PPP1R1C: variants seen among roughly 807,000 people sequenced by gnomAD.
The protein encoded by PPP1R1C is protein phosphatase 1 regulatory subunit 1C.
Under a neutral mutation model 17.4 loss-of-function variants are expected in PPP1R1C, and 15 were observed. That is an observed-to-expected ratio of 0.86 (90% CI 0.58 to 1.33). The LOEUF is 1.33. Among genes scored for constraint, PPP1R1C ranks in the 40% most tolerant of loss-of-function variants. The pLI, the probability that PPP1R1C is intolerant of heterozygous loss-of-function variation, is 0.00. For missense variants in PPP1R1C, 143 were observed against 130.0 expected (o/e 1.10, Z -0.48); for synonymous variants, 35 against 43.1 (o/e 0.81, Z 0.73).
In PPP1R1C at chr2:182,008,067, C is replaced by CA. The variant is rs892720882; in HGVS notation, c.142+20176dup. On this transcript the variant is annotated intron_variant, in intron 2 of 4. Transcript: ENST00000682840. ...TGGGCGAAAGAGCGAGACTCCGTCT[C>CA]AAAAAAAACAAACAAATAAATAAAA... 2.2e-4 allele frequency among the ~76,000 whole-genome samples: 23 copies of CA among 106,020 alleles called. 1 individual carries two copies. The Middle Eastern group carries it at 0.014, about 66-fold the overall frequency. 69.6% of individuals were successfully genotyped at this position (106,020 alleles called of 152,430 possible).
At chr2:182,119,292 A>G (rs1689670749), downstream of PPP1R1C, among the ~76,000 whole-genome samples, 1 of 151,724 alleles carries the variant, frequency 6.6e-6, no homozygotes, top group Non-Finnish European at 1.5e-5. Flanking sequence ...CATTTTCTTA[A>G]TCCAGTCTAT....
chr2:181,958,127 C>T (rs545145218), intron 1 of PPP1R1C, among the ~76,000 whole-genome samples: 2 of 152,204 alleles, frequency 1.3e-5, no homozygotes, highest in African/African-American at 2.4e-5. Context: ...GCTAAGGAAG[C>T]GCTCCCAAGA....
chr2:182,038,207 T>C (rs993993638), intron 2 of PPP1R1C, among the ~76,000 whole-genome samples: 1 of 151,858 alleles, frequency 6.6e-6, no homozygotes, highest in Non-Finnish European at 1.5e-5. Flanking sequence ...CCAGCTAATG[T>C]TTTGTGGTTT....
upstream of PPP1R1C, among the ~76,000 whole-genome samples, chr2:181,985,714 C>T (rs1344473777): frequency 6.6e-6 from 1 of 152,084 alleles, no homozygotes; most frequent in Non-Finnish European, 1.5e-5. The surrounding 1 kb of genome is among the most constrained non-coding windows in gnomAD (Gnocchi z 4.1). Flanking sequence ...TTTGAGCAGC[C>T]GGTTAGTAAT....
At chr2:182,128,372 C>A (rs547427589) in intron 5 of PPP1R1C, among the ~76,000 whole-genome samples, 1 of 151,964 alleles carries the variant, frequency 6.6e-6, no homozygotes, top group East Asian at 1.9e-4. Flanking sequence ...GTTTTCTGCT[C>A]GGTAAAACGT....
At chr2:182,123,305 A>G (rs1033210987) in intron 5 of PPP1R1C, among the ~76,000 whole-genome samples, 4 of 152,232 alleles carry the variant, frequency 2.6e-5, no homozygotes, top group African/African-American at 9.6e-5. Context: ...TAGTGCCACA[A>G]TAAACATACG....
At chr2:182,022,755 T>A (rs1446706565) in intron 2 of PPP1R1C, among the ~76,000 whole-genome samples, 1 of 152,166 alleles carries the variant, frequency 6.6e-6, no homozygotes, top group African/African-American at 2.4e-5. Flanking sequence ...TGGCCAGGCT[T>A]CCATAATTAA....
chr2:181,974,866 A>T (rs962704499), intron 1 of PPP1R1C, among the ~76,000 whole-genome samples: 1 of 152,232 alleles, frequency 6.6e-6, no homozygotes. Context: ...AAGGTTATAC[A>T]TATTTTAAAG....
In PPP1R1C at chr2:181,986,170, T is replaced by TGCACCTGAAGCAGCAGAGCAGGTATGTGA; in HGVS notation, c.61_81+8dup. 6.2e-7 allele frequency: 1 copy of TGCACCTGAAGCAGCAGAGCAGGTATGTGA among 1,613,650 alleles called. No individual in the cohort carries two copies. Among genetic ancestry groups the TGCACCTGAAGCAGCAGAGCAGGTATGTGA allele is most frequent in the South Asian group, 1.1e-5 (1 of 91,076 alleles). On this transcript the variant is annotated frameshift_variant, in exon 1 of 5. Transcript: ENST00000682840. LOFTEE classifies it high-confidence loss of function. ...CCGTGCCTGTATTCCAGAGTCAGAT[T>TGCACCTGAAGCAGCAGAGCAGGTATGTGA]GCACCTGAAGCAGCAGAGCAGGTAT... is the stretch of plus-strand genomic sequence containing the variant.
chr2:182,116,611 T>C (rs1395376983), intron 4 of PPP1R1C, among the ~76,000 whole-genome samples: 1 of 152,130 alleles, frequency 6.6e-6, no homozygotes, highest in East Asian at 1.9e-4. Context: ...TGAGAAATGG[T>C]AGAGAGCCCA....
chr2:182,045,105 G>A (rs1394230459), intron 2 of PPP1R1C, among the ~76,000 whole-genome samples: 3 of 152,086 alleles, frequency 2.0e-5, no homozygotes, highest in African/African-American at 7.2e-5. Context: ...AATCACTACA[G>A]TTTAGAACAC....
At position 181,999,988 on chromosome 2, in the gene PPP1R1C, C is replaced by G. The variant is rs183468004; in HGVS notation, c.142+12089C>G. On this transcript the variant is annotated intron_variant, in intron 2 of 4. Coordinates refer to ENST00000682840, the MANE Select transcript of PPP1R1C (RefSeq NM_001080545.3). ...TAACTCAAAACATGACCGATTTGTG[C>G]ACATACAGTCATCTTCCCTTCCCTT... is the stretch of plus-strand genomic sequence containing the variant. Among the ~76,000 whole-genome samples the G allele has an allele frequency of 1.0e-3, 157 of 152,272 alleles. 1 individual carries two copies. The highest frequency in any genetic ancestry group is 3.7e-3 in the African/African-American group (155 of 41,574).
intron 2 of PPP1R1C, among the ~76,000 whole-genome samples, chr2:181,978,019 G>T (rs1685124392): frequency 6.6e-6 from 1 of 152,166 alleles, no homozygotes; most frequent in Non-Finnish European, 1.5e-5. Flanking sequence ...TGGACTCATG[G>T]TTTCACATGG....
At chr2:181,997,363 G>A (rs1254496658) in intron 2 of PPP1R1C, among the ~76,000 whole-genome samples, 1 of 151,896 alleles carries the variant, frequency 6.6e-6, no homozygotes, top group Non-Finnish European at 1.5e-5. Context: ...ACTTAACCAA[G>A]TAATAAATCC....
intron 4 of PPP1R1C, among the ~76,000 whole-genome samples, chr2:182,104,259 A>G (rs1166791324): frequency 1.3e-5 from 2 of 152,168 alleles, no homozygotes; most frequent in East Asian, 3.8e-4. Flanking sequence ...AAGAGGTGAC[A>G]GTGGGAACTC....
intron 2 of PPP1R1C, among the ~76,000 whole-genome samples, chr2:182,012,294 G>C (rs1686107529): frequency 6.6e-6 from 1 of 151,864 alleles, no homozygotes; most frequent in African/African-American, 2.4e-5. Context: ...TCATGGGTGG[G>C]TGCATATATG....
chr2:182,107,193 T>C (rs1047600961), intron 4 of PPP1R1C, among the ~76,000 whole-genome samples: 5 of 152,236 alleles, frequency 3.3e-5, no homozygotes, highest in African/African-American at 4.8e-5. Context: ...TTGGTAATCT[T>C]TATTAATTTT....
In PPP1R1C at chr2:181,955,126, A is replaced by T. The variant is rs112752818; in HGVS notation, n.111+492A>T. Among the ~76,000 whole-genome samples, 387 of 152,368 alleles carry T rather than the reference A, an allele frequency of 2.5e-3. 3 individuals carry two copies. The highest frequency in any genetic ancestry group is 6.8e-3 in the Middle Eastern group (2 of 294). Reference sequence around the variant, plus strand: ...GTTTATAAAATATTCTAAGATGGCCAGATGAAAAGTGTGACTCACAGGAAA... The same window carrying T: ...GTTTATAAAATATTCTAAGATGGCCTGATGAAAAGTGTGACTCACAGGAAA... On this transcript the variant is annotated intron_variant and non_coding_transcript_variant, in intron 1 of 5. Transcript: ENST00000464264.
chr2:181,990,315 A>ATTT (rs55860045), intron 2 of PPP1R1C, among the ~76,000 whole-genome samples: 31 of 147,500 alleles, frequency 2.1e-4, no homozygotes, highest in Admixed American at 1.3e-3. Context: ...ATTTTTTTGT[A>ATTT]TTTTTTTTTT....
Sources: gnomAD v4.1 joint callset for allele counts (sites outside exome capture counted in the v4.1 genomes callset) on GRCh38, gnomAD v4.1.1 for gene constraint, Gnocchi (gnomAD v3.1) non-coding constraint, MANE v1.5 for transcripts, NCBI Gene and HGNC (gene_info 2026-07-23, HGNC 2026-07-21) for gene names.